Variants in SHROOM4 observed in about 807,000 individuals in gnomAD.
SHROOM4 encodes the protein protein Shroom4.
SHROOM4 carries 17 observed loss-of-function variants against 80.3 expected under a neutral mutation model. That is an observed-to-expected ratio of 0.21 (90% confidence interval 0.14 to 0.32). SHROOM4 has a LOEUF of 0.32. Ranked by LOEUF, SHROOM4 falls within the 10% of genes least tolerant of loss-of-function variation. SHROOM4 has a pLI of 1.00. For synonymous variants in SHROOM4, 400 were observed against 437.5 expected (o/e 0.91, Z 1.07); for missense variants, 993 against 1,140.3 (o/e 0.87, Z 1.86).
At chrX:50,575,928 A>G in the SHROOM4 span, among the ~76,000 whole-genome samples, 1 of 112,184 alleles carries the variant, frequency 8.9e-6, no homozygotes, top group Non-Finnish European at 1.9e-5. Flanking sequence ...GACATTTTAT[A>G]TAAGAAGGGA....
downstream of SHROOM4, among the ~76,000 whole-genome samples, chrX:50,585,681 T>C (rs185451445): frequency 4.3e-4 from 48 of 111,129 alleles, no homozygotes; most frequent in Non-Finnish European, 8.5e-4. Context: ...CACCAAAATA[T>C]CCTCTTCACA....
chrX:50,728,083 C>T (rs1186888909), intron 1 of SHROOM4, among the ~76,000 whole-genome samples: 1 of 111,952 alleles, frequency 8.9e-6, no homozygotes, highest in Non-Finnish European at 1.9e-5. Context: ...GTTTAAAAGA[C>T]AGAGCCATAG....
intron 1 of SHROOM4, among the ~76,000 whole-genome samples, chrX:50,747,672 C>T (rs1422814167): frequency 1.8e-5 from 2 of 112,197 alleles, no homozygotes; most frequent in Non-Finnish European, 3.8e-5. Flanking sequence ...GCATCTCATG[C>T]AGGTTTGTCA....
chrX:50,642,815 C>A (rs966714434), intron 2 of SHROOM4, among the ~76,000 whole-genome samples: 2 of 111,749 alleles, frequency 1.8e-5, no homozygotes, highest in South Asian at 7.6e-4. Context: ...ATGCATAAAG[C>A]TTAAGTGATT....
chrX:50,718,348 C>G (rs1186740191), intron 1 of SHROOM4, among the ~76,000 whole-genome samples: 2 of 111,668 alleles, frequency 1.8e-5, no homozygotes, highest in African/African-American at 6.5e-5. Context: ...AATATAGCAG[C>G]AGCAGCACCA....
chrX:50,738,583 C>T (rs1328403442), intron 1 of SHROOM4, among the ~76,000 whole-genome samples: 1 of 111,016 alleles, frequency 9.0e-6, no homozygotes, highest in Admixed American at 9.6e-5. Flanking sequence ...TTCACAATTG[C>T]TTCAAAGAGA....
At chrX:50,794,161 A>C (rs1935912136) in intron 1 of SHROOM4, among the ~76,000 whole-genome samples, 1 of 112,020 alleles carries the variant, frequency 8.9e-6, no homozygotes, top group South Asian at 3.7e-4. Flanking sequence ...CCAGTGCATC[A>C]ACATAAATTT....
At chrX:50,811,700 G>C (rs1450094873) in intron 1 of SHROOM4, among the ~76,000 whole-genome samples, 4 of 111,369 alleles carry the variant, frequency 3.6e-5, no homozygotes, top group Non-Finnish European at 7.5e-5. Context: ...AAAATACTAT[G>C]GTCCCTTTAT....
intron 1 of SHROOM4, among the ~76,000 whole-genome samples, chrX:50,738,641 C>G (rs781846106): frequency 9.0e-5 from 10 of 111,276 alleles, no homozygotes; most frequent in Non-Finnish European, 1.5e-4. Context: ...AGGACCTCTT[C>G]AAGGAGAACT....
intron 1 of SHROOM4, among the ~76,000 whole-genome samples, chrX:50,705,693 C>A (rs1184494588): frequency 1.8e-5 from 2 of 109,607 alleles, no homozygotes; most frequent in African/African-American, 6.7e-5. Context: ...ACCCTCCCTA[C>A]ACATTATCTT....
intron 2 of SHROOM4, among the ~76,000 whole-genome samples, chrX:50,639,938 C>T (rs1204782449): frequency 9.0e-6 from 1 of 111,599 alleles, no homozygotes; most frequent in African/African-American, 3.3e-5. Context: ...AAGATTTAAG[C>T]GGAGGAAAGC....
intron 2 of SHROOM4, among the ~76,000 whole-genome samples, chrX:50,672,759 A>G (rs1932810672): frequency 8.9e-6 from 1 of 112,274 alleles, no homozygotes; most frequent in Non-Finnish European, 1.9e-5. Flanking sequence ...TGAAAGCTAA[A>G]GACAAACAAA....
chrX:50,776,336 T>A (rs1323708534), intron 1 of SHROOM4, among the ~76,000 whole-genome samples: 1 of 111,773 alleles, frequency 8.9e-6, no homozygotes, highest in Admixed American at 9.5e-5. Flanking sequence ...AACCTTTTAT[T>A]TAGACAATAT....
intron 1 of SHROOM4, among the ~76,000 whole-genome samples, chrX:50,791,328 T>C (rs1427364050): frequency 1.8e-5 from 2 of 111,312 alleles, no homozygotes; most frequent in Admixed American, 1.9e-4. Context: ...AAATAAGACA[T>C]TCATGCTAAT....
intron 2 of SHROOM4, among the ~76,000 whole-genome samples, chrX:50,678,352 A>G (rs1375217571): frequency 2.7e-5 from 3 of 111,299 alleles, no homozygotes; most frequent in African/African-American, 9.8e-5. Context: ...CTATATGCCT[A>G]TCATAACAAA....
chrX:50,754,072 G>A (rs1377103997), intron 1 of SHROOM4, among the ~76,000 whole-genome samples: 1 of 112,167 alleles, frequency 8.9e-6, no homozygotes, highest in South Asian at 3.8e-4. Flanking sequence ...CAGGTATTCT[G>A]CCCAAAGATA....
intron 1 of SHROOM4, among the ~76,000 whole-genome samples, chrX:50,773,387 G>C (rs782043424): frequency 8.9e-6 from 1 of 111,959 alleles, no homozygotes; most frequent in South Asian, 3.7e-4. Flanking sequence ...GGTCATCTTA[G>C]AGCTAGAATG....
At chrX:50,797,432 C>T (rs2147721561) in intron 1 of SHROOM4, among the ~76,000 whole-genome samples, 1 of 111,564 alleles carries the variant, frequency 9.0e-6, no homozygotes, top group Admixed American at 9.5e-5. Context: ...AGTATGCTAC[C>T]TTTTGTATAA....
chrX:50,718,142 G>T (rs1473561737), intron 1 of SHROOM4, among the ~76,000 whole-genome samples: 1 of 111,748 alleles, frequency 8.9e-6, no homozygotes, highest in Non-Finnish European at 1.9e-5. Context: ...CTACATTGGT[G>T]AGGAAGCCAC....
Sources: allele counts gnomAD v4.1 joint callset (sites outside exome capture counted in the v4.1 genomes callset), GRCh38; gene constraint gnomAD v4.1.1; transcripts MANE v1.5; gene names NCBI Gene and HGNC (gene_info 2026-07-23, HGNC 2026-07-21).